Variants in AFF3 observed in about 807,000 individuals in gnomAD.
AFF3 encodes ALF transcription elongation factor 3, also known as AF4/FMR2 family member 3.
Under a neutral mutation model 129.7 loss-of-function variants are expected in AFF3, and 32 were observed. The ratio of observed to expected loss-of-function variants is 0.25; its 90% confidence interval spans 0.19 to 0.33. The LOEUF (loss-of-function observed/expected upper bound fraction) is 0.33. Among genes scored for constraint, AFF3 ranks in the 10% least tolerant of loss-of-function variants. The pLI, the probability that AFF3 is intolerant of heterozygous loss-of-function variation, is 1.00. For missense variants in AFF3, 1,373 were observed against 1,592.0 expected, an observed-to-expected ratio of 0.86 and a Z score of 2.34; for synonymous variants, 644 against 635.4, an observed-to-expected ratio of 1.01 and a Z score of -0.20.
At chr2:99,658,172 G>A (rs1300355135) in intron 12 of AFF3, among the ~76,000 whole-genome samples, 1 of 152,212 alleles carries the variant, frequency 6.6e-6, no homozygotes, top group Non-Finnish European at 1.5e-5. Flanking sequence ...CGCAGGGACT[G>A]TCCCTGTCCA....
At chr2:99,812,585 T>C (rs1164387760) in intron 8 of AFF3, among the ~76,000 whole-genome samples, 2 of 152,150 alleles carry the variant, frequency 1.3e-5, no homozygotes, top group East Asian at 3.9e-4. Flanking sequence ...ACTACATAAA[T>C]GTAAATGCAT....
In AFF3 at chr2:100,109,364, GGCAGGCACACATACTAAAGTTGAAAAT is replaced by G. The variant is rs1691436296; in HGVS notation, c.-144-3808_-144-3782del. ...GCTTACCACATTTTAAAAAGAAAAA[GGCAGGCACACATACTAAAGTTGAAAAT>G]GCAGGCAGGAAGGACATTTACTTTT... On this transcript the variant is annotated intron_variant, in intron 2 of 24. Coordinates refer to ENST00000672756, the MANE Select transcript of AFF3 (RefSeq NM_001386135.1). Among the ~76,000 whole-genome samples, 4 of 145,174 alleles carry G rather than the reference GGCAGGCACACATACTAAAGTTGAAAAT, an allele frequency of 2.8e-5. No homozygotes were observed. In the South Asian group the frequency reaches 9.5e-4, roughly 34 times the overall value.
chr2:99,845,657 C>T (rs185154355), intron 7 of AFF3, among the ~76,000 whole-genome samples: 1 of 152,212 alleles, frequency 6.6e-6, no homozygotes, highest in East Asian at 1.9e-4. Context: ...TGTGTTCTTT[C>T]ACCTAAAACC....
At position 100,105,554 on chromosome 2, in the gene AFF3, C is replaced by G. The variant is rs1289779827; in HGVS notation, c.-115G>C. On this transcript the variant is annotated 5_prime_UTR_variant, in exon 3 of 25. Transcript: ENST00000672756. ...GGGTGTCGACTTCAAACTTGCCGCC[C>G]GTCTCCGGTCTGGAAAGGCAGGTGA... 1 of 1,332,156 alleles carries G rather than the reference C, an allele frequency of 7.5e-7. No homozygotes were observed. Among genetic ancestry groups the G allele is most frequent in the Non-Finnish European group, 9.9e-7 (1 of 1,005,140 alleles). The allele number at this position is 1,332,156 out of a possible 1,614,324, so 82.5% of individuals were successfully genotyped here.
intron 15 of AFF3, among the ~76,000 whole-genome samples, chr2:99,589,975 G>C (rs1184363587): frequency 2.0e-5 from 3 of 152,198 alleles, no homozygotes; most frequent in Admixed American, 2.0e-4. Flanking sequence ...ACTTGGGGAG[G>C]CAAGTGTAGC....
At chr2:99,839,074 C>T (rs1471518995) in intron 7 of AFF3, among the ~76,000 whole-genome samples, 4 of 152,216 alleles carry the variant, frequency 2.6e-5, no homozygotes, top group Non-Finnish European at 4.4e-5. Flanking sequence ...CACAACTTGC[C>T]GAAGGCCACA....
At chr2:99,615,717 C>G (rs200448787) in intron 13 of AFF3, among the ~76,000 whole-genome samples, 6 of 152,186 alleles carry the variant, frequency 3.9e-5, no homozygotes, top group African/African-American at 1.4e-4. Flanking sequence ...GGCTGGCTGG[C>G]GGGTGGGATG....
At chr2:99,648,838 C>G (rs1005177545) in intron 13 of AFF3, among the ~76,000 whole-genome samples, 1 of 150,836 alleles carries the variant, frequency 6.6e-6, no homozygotes, top group Non-Finnish European at 1.5e-5. Flanking sequence ...TGTGGAGACA[C>G]ACAGGGATTT....
intron 14 of AFF3, among the ~76,000 whole-genome samples, chr2:99,599,669 G>C (rs1207798177): frequency 6.6e-6 from 1 of 152,178 alleles, no homozygotes; most frequent in Non-Finnish European, 1.5e-5. Flanking sequence ...CCACAAGGAG[G>C]AGCCTGGATG....
rs1467314203 is a variant in AFF3, at chr2:100,045,416, CTA to C, written c.54-36486_54-36485del. On this transcript the variant is annotated intron_variant, in intron 4 of 24. Transcript: ENST00000672756. Reference sequence around the variant, plus strand: ...CAGCTCCCGTGACTGCGTTCTCACCCTATGTCAGATACTCTGCTAAGAACTGC... The same window carrying C: ...CAGCTCCCGTGACTGCGTTCTCACCCTGTCAGATACTCTGCTAAGAACTGC... Among the ~76,000 whole-genome samples the C allele has an allele frequency of 2.0e-5, 3 of 152,186 alleles. No homozygotes were observed. The East Asian group carries it at 5.8e-4, about 29-fold the overall frequency.
intron 4 of AFF3, among the ~76,000 whole-genome samples, chr2:100,053,354 T>C (rs1324486564): frequency 6.6e-6 from 1 of 152,228 alleles, no homozygotes; most frequent in Non-Finnish European, 1.5e-5. Flanking sequence ...TGAGATGTTT[T>C]AGCTCAGTGC....
At chr2:99,967,355 T>A (rs1196802047) in intron 7 of AFF3, among the ~76,000 whole-genome samples, 1 of 151,546 alleles carries the variant, frequency 6.6e-6, no homozygotes, top group Non-Finnish European at 1.5e-5. Context: ...TCCTTTCTCC[T>A]GAGTGCCAGT....
chr2:99,640,381 T>C (rs1031699995), intron 13 of AFF3, among the ~76,000 whole-genome samples: 24 of 152,104 alleles, frequency 1.6e-4, no homozygotes, highest in Admixed American at 3.9e-4. Context: ...TACTATCATA[T>C]GGAGGGAGAA....
chr2:100,052,058 G>T (rs756066126), intron 4 of AFF3, among the ~76,000 whole-genome samples: 1 of 152,120 alleles, frequency 6.6e-6, no homozygotes, highest in Non-Finnish European at 1.5e-5. Context: ...TGCAGAGGGT[G>T]GGGGGCAGAA....
intron 2 of AFF3, among the ~76,000 whole-genome samples, chr2:100,122,216 T>A (rs2105560199): frequency 6.6e-6 from 1 of 152,386 alleles, no homozygotes; most frequent in African/African-American, 2.4e-5. Context: ...TACATCATTC[T>A]ACAGTCTTTT....
chr2:99,623,951 C>T (rs1575534287), intron 13 of AFF3, among the ~76,000 whole-genome samples: 1 of 152,214 alleles, frequency 6.6e-6, no homozygotes, highest in African/African-American at 2.4e-5. Flanking sequence ...TTAAAAAACA[C>T]GAATTCAAAG....
chr2:100,043,141 A>T (rs1446840040), intron 4 of AFF3, among the ~76,000 whole-genome samples: 2 of 152,122 alleles, frequency 1.3e-5, no homozygotes. Flanking sequence ...AGAAACTGGG[A>T]CGTGAAAATG....
At chr2:99,687,787 C>T (rs1214337759) in intron 11 of AFF3, among the ~76,000 whole-genome samples, 3 of 152,142 alleles carry the variant, frequency 2.0e-5, no homozygotes, top group Non-Finnish European at 2.9e-5. Flanking sequence ...TTTCCTTGTC[C>T]TTAGGATCTC....
At chr2:99,736,345 G>C (rs1367892814) in intron 10 of AFF3, among the ~76,000 whole-genome samples, 3 of 151,938 alleles carry the variant, frequency 2.0e-5, no homozygotes, top group Non-Finnish European at 4.4e-5. Flanking sequence ...ATCTTTCCTT[G>C]GGTAGTGACC....
Sources: gnomAD v4.1 joint callset for allele counts (sites outside exome capture counted in the v4.1 genomes callset) on GRCh38, gnomAD v4.1.1 for gene constraint, MANE v1.5 for transcripts, NCBI Gene and HGNC (gene_info 2026-07-23, HGNC 2026-07-21) for gene names.